CTNNA1: variants seen among roughly 807,000 people sequenced by gnomAD.
CTNNA1 encodes catenin alpha 1.
In CTNNA1, 37 loss-of-function variants were observed where a neutral mutation model predicts 98.4. The ratio of observed to expected loss-of-function variants is 0.38; its 90% CI spans 0.29 to 0.49. The LOEUF (loss-of-function observed/expected upper bound fraction) is 0.49, where lower values mean the gene tolerates loss of function less well. CTNNA1 is among the 20% of genes least tolerant of loss of function. CTNNA1 has a pLI of 0.95. For synonymous variants in CTNNA1, 404 were observed against 413.2 expected, an observed-to-expected ratio of 0.98 and a Z score of 0.27; for missense variants, 761 against 1,147.2, an observed-to-expected ratio of 0.66 and a Z score of 4.86.
At chr5:138,839,936 A>C (rs1439407467) in intron 7 of CTNNA1, among the ~76,000 whole-genome samples, 1 of 152,240 alleles carries the variant, frequency 6.6e-6, no homozygotes. Flanking sequence ...GCCATGGATG[A>C]TGAGCAGTAA....
intron 1 of CTNNA1, among the ~76,000 whole-genome samples, chr5:138,763,962 A>G (rs1002140463): frequency 4.6e-5 from 7 of 152,208 alleles, no homozygotes; most frequent in Non-Finnish European, 1.0e-4. Context: ...AGGCGGGCAG[A>G]TCACCTGAGG....
chr5:138,916,912 T>C (rs929301314), intron 10 of CTNNA1, among the ~76,000 whole-genome samples: 1 of 151,950 alleles, frequency 6.6e-6, no homozygotes, highest in Non-Finnish European at 1.5e-5. Flanking sequence ...GTAGCTGGAA[T>C]TACAGGCGTG....
chr5:138,843,922 A>T (rs979639525), intron 7 of CTNNA1, among the ~76,000 whole-genome samples: 1 of 152,254 alleles, frequency 6.6e-6, no homozygotes, highest in Non-Finnish European at 1.5e-5. Context: ...TGAACAGTGC[A>T]GAATTTTCTT....
intron 9 of CTNNA1, among the ~76,000 whole-genome samples, chr5:138,901,238 A>G (rs763691209): frequency 1.3e-5 from 2 of 151,276 alleles, no homozygotes; most frequent in Admixed American, 6.6e-5. Flanking sequence ...GCTCACTTCA[A>G]CCTCCACCTC....
intron 1 of CTNNA1, among the ~76,000 whole-genome samples, chr5:138,756,480 C>T (rs372350311): frequency 2.6e-5 from 4 of 152,118 alleles, no homozygotes; most frequent in Non-Finnish European, 4.4e-5. Context: ...TCTTTGAGAA[C>T]GTAACTCACT....
intron 7 of CTNNA1, among the ~76,000 whole-genome samples, chr5:138,829,857 C>G (rs1761085638): frequency 6.6e-6 from 1 of 152,152 alleles, no homozygotes; most frequent in Non-Finnish European, 1.5e-5. Context: ...TGAGACCATC[C>G]TGGCTAACAT....
intron 9 of CTNNA1, among the ~76,000 whole-genome samples, chr5:138,903,222 T>C (rs1469503920): frequency 6.6e-6 from 1 of 152,204 alleles, no homozygotes; most frequent in Non-Finnish European, 1.5e-5. Context: ...AGCAGTCTTA[T>C]AGAAAGCTGA....
At chr5:138,758,333 C>T (rs749354659) in intron 1 of CTNNA1, among the ~76,000 whole-genome samples, 13 of 152,062 alleles carry the variant, frequency 8.5e-5, no homozygotes, top group Non-Finnish European at 1.3e-4. Flanking sequence ...TCCCTAGTAG[C>T]TGGGACTGCA....
chr5:138,778,216 G>A (rs1055441325), intron 1 of CTNNA1, among the ~76,000 whole-genome samples: 3 of 151,808 alleles, frequency 2.0e-5, no homozygotes, highest in Non-Finnish European at 2.9e-5. Context: ...GGATGGTTTC[G>A]ATCTCCTGAA....
chr5:138,843,601 A>G (rs1762447975), intron 7 of CTNNA1, among the ~76,000 whole-genome samples: 1 of 152,234 alleles, frequency 6.6e-6, no homozygotes, highest in Admixed American at 6.5e-5. Flanking sequence ...AGTAATGGAA[A>G]CTGAAAAAGG....
intron 4 of CTNNA1, 125 bp downstream of exon 4, chr5:138,810,329 G>T: frequency 3.0e-6 from 3 of 1,015,820 alleles, no homozygotes; most frequent in East Asian, 2.5e-5. Flanking sequence ...ATGGACCAGA[G>T]ATGTTTTTGT....
In CTNNA1 at chr5:138,882,077, C is replaced by G. The variant is rs185669345; in HGVS notation, c.1063-4135C>G. Among the ~76,000 whole-genome samples the G allele has an allele frequency of 4.4e-3, 677 of 152,314 alleles. 11 individuals carry two copies. The highest frequency in any genetic ancestry group is 0.011 in the African/African-American group (437 of 41,570). ...TGTCTCTAATTGGTTATTGGTTTCTCATTTCATTCATGTCCAATGGGAGAC... is the reference window on the plus strand; with the variant it reads ...TGTCTCTAATTGGTTATTGGTTTCTGATTTCATTCATGTCCAATGGGAGAC... On this transcript the variant is annotated intron_variant, in intron 7 of 17. Coordinates refer to ENST00000302763, the MANE Select transcript of CTNNA1 (RefSeq NM_001903.5).
chr5:138,799,097 C>T (rs1181927471), intron 3 of CTNNA1, among the ~76,000 whole-genome samples: 4 of 152,082 alleles, frequency 2.6e-5, no homozygotes, highest in African/African-American at 9.7e-5. Flanking sequence ...TCTTGAACCT[C>T]TGATCTCAAG....
chr5:138,831,526 G>A (rs558236338), intron 7 of CTNNA1, among the ~76,000 whole-genome samples: 1 of 152,168 alleles, frequency 6.6e-6, no homozygotes, highest in African/African-American at 2.4e-5. Context: ...CCTGTCTTTA[G>A]TACTAGGGCA....
At chr5:138,869,491 T>C (rs1355420409) in intron 7 of CTNNA1, 3 of 152,096 alleles carry the variant, frequency 2.0e-5, no homozygotes, top group Non-Finnish European at 4.4e-5. Flanking sequence ...AAAACGATCA[T>C]GTAAGTCAGC....
At chr5:138,814,891 CT>C (rs548975749) in intron 5 of CTNNA1, among the ~76,000 whole-genome samples, 74 of 152,134 alleles carry the variant, frequency 4.9e-4, no homozygotes, top group Middle Eastern at 3.4e-3. Flanking sequence ...GTAGCTGGGA[CT>C]ATAAGCGCCT....
chr5:138,887,982 G>A (rs977631213), intron 9 of CTNNA1, among the ~76,000 whole-genome samples: 3 of 152,164 alleles, frequency 2.0e-5, no homozygotes, highest in Non-Finnish European at 2.9e-5. Context: ...CACTGCCTGC[G>A]CTTGCATCCT....
At chr5:138,770,963 A>C (rs766909161) in intron 1 of CTNNA1, among the ~76,000 whole-genome samples, 8 of 152,080 alleles carry the variant, frequency 5.3e-5, no homozygotes, top group South Asian at 4.1e-4. Flanking sequence ...AAAAAAAAAA[A>C]AACACAAAAA....
Position 138,933,786 on chromosome 5 carries a change from C to A in CTNNA1, c.2434-16C>A. On this transcript the variant is annotated splice_polypyrimidine_tract_variant and intron_variant, in intron 17 of 17. Transcript: ENST00000302763. ...GGTCAGGCCGGTGCTTCTTACCACC[C>A]CTGTCTGCCTCGTAGGTGGACAGCG... 4.3e-6 allele frequency: 7 copies of A among 1,609,882 alleles called. No individual in the cohort carries two copies. The South Asian group carries it at 7.7e-5, about 18-fold the overall frequency.
Sources: allele counts gnomAD v4.1 joint callset (sites outside exome capture counted in the v4.1 genomes callset), GRCh38; gene constraint gnomAD v4.1.1; transcripts MANE v1.5; gene names NCBI Gene and HGNC (gene_info 2026-07-23, HGNC 2026-07-21).